NPAS3: variants seen among roughly 807,000 people sequenced by gnomAD.
The protein encoded by NPAS3 is neuronal PAS domain protein 3.
NPAS3 carries 14 observed loss-of-function variants against 73.1 expected under a neutral mutation model. The ratio of observed to expected loss-of-function variants is 0.19; its 90% CI spans 0.13 to 0.30. The LOEUF is 0.30. NPAS3 is among the 10% of genes least tolerant of loss of function. The pLI is 1.00. For missense variants in NPAS3, 1,096 were observed against 1,250.0 expected, an observed-to-expected ratio of 0.88 and a Z score of 1.86; for synonymous variants, 620 against 541.5, an observed-to-expected ratio of 1.14 and a Z score of -2.01.
At chr14:33,079,978 C>A (rs1217710677) in intron 2 of NPAS3, among the ~76,000 whole-genome samples, 1 of 151,854 alleles carries the variant, frequency 6.6e-6, no homozygotes. Context: ...TACTGTTGGG[C>A]AATAAAGGTT....
chr14:33,539,064 G>A (rs979437814), intron 4 of NPAS3, among the ~76,000 whole-genome samples: 2 of 152,234 alleles, frequency 1.3e-5, no homozygotes, highest in South Asian at 2.1e-4. Context: ...GAGGGAGGGG[G>A]AATCAATGAA....
chr14:33,331,354 T>C (rs909279075), intron 3 of NPAS3, among the ~76,000 whole-genome samples: 2 of 152,220 alleles, frequency 1.3e-5, no homozygotes, highest in African/African-American at 4.8e-5. Flanking sequence ...GAATTTTTTG[T>C]GTGGAAGATA....
intron 6 of NPAS3, among the ~76,000 whole-genome samples, chr14:33,695,126 C>T (rs559442858): frequency 2.0e-5 from 3 of 152,198 alleles, no homozygotes; most frequent in African/African-American, 7.2e-5. Context: ...CACAGAACCA[C>T]ATGACCCAAC....
At position 33,800,801 on chromosome 14, in the gene NPAS3, G is replaced by T; in HGVS notation, c.2494G>T (p.Ala832Ser). 7 of 1,593,116 alleles carry T rather than the reference G, an allele frequency of 4.4e-6. No homozygotes were observed. Among genetic ancestry groups the T allele is most frequent in the South Asian group, 1.1e-5 (1 of 87,652 alleles). ...CTACACCACGGGCACCATCCGCTAC[G>T]CGCCCGCCGAGGTGACCCTGGCCAT... Residue 832 changes from alanine (A) to serine (S), a missense_variant, in exon 12 of 12, where the codon GCG becomes TCG. Ala to Ser is a moderately conservative substitution (Grantham distance 99). Coordinates refer to ENST00000356141, the Ensembl canonical transcript of NPAS3. The surrounding 1 kb of genome is among the most constrained non-coding windows in gnomAD (Gnocchi z 6.5).
intron 4 of NPAS3, among the ~76,000 whole-genome samples, chr14:33,418,044 G>A (rs1039017345): frequency 9.0e-6 from 1 of 110,782 alleles, no homozygotes; most frequent in African/African-American, 4.5e-5. Flanking sequence ...CAAAAGCAAT[G>A]CAGGATTTTT....
At chr14:33,227,535 G>A (rs1279341961) in intron 3 of NPAS3, among the ~76,000 whole-genome samples, 3 of 152,148 alleles carry the variant, frequency 2.0e-5, no homozygotes, top group African/African-American at 7.2e-5. Flanking sequence ...GCATGGTGAG[G>A]TTCTTCGTGA....
In NPAS3 at chr14:33,299,592, G is replaced by GTTTCT. The variant is rs1216100757; in HGVS notation, c.386-67590_386-67586dup. Among the ~76,000 whole-genome samples, 4 of 46,534 alleles carry GTTTCT rather than the reference G, an allele frequency of 8.6e-5. No homozygotes were observed. In the South Asian group the frequency reaches 1.2e-3, roughly 14 times the overall value. The allele number at this position is 46,534 out of a possible 152,430, so 30.5% of individuals were successfully genotyped here. ...ACCCTATCTGAAATCCTAGAAGCTA[G>GTTTCT]TTTCTTTTTTTTGTGTGCTTAAGTC... On this transcript the variant is annotated intron_variant, in intron 3 of 11. Coordinates refer to ENST00000356141, the Ensembl canonical transcript of NPAS3.
intron 3 of NPAS3, among the ~76,000 whole-genome samples, chr14:33,278,985 T>C: frequency 2.0e-5 from 1 of 50,556 alleles, no homozygotes; most frequent in East Asian, 2.5e-4. Flanking sequence ...GAAATAACTA[T>C]GCTGTAAATA....
At chr14:33,276,853 T>C (rs1331916983) in intron 3 of NPAS3, among the ~76,000 whole-genome samples, 1 of 152,146 alleles carries the variant, frequency 6.6e-6, no homozygotes, top group South Asian at 2.1e-4. Context: ...TTGTTTCTTC[T>C]AAGGTAGAAT....
At chr14:33,645,565 T>C (rs1046621992) in intron 5 of NPAS3, among the ~76,000 whole-genome samples, 2 of 152,212 alleles carry the variant, frequency 1.3e-5, no homozygotes, top group South Asian at 2.1e-4. Flanking sequence ...AAAGCAGCTC[T>C]AGGAAAACGA....
intron 5 of NPAS3, among the ~76,000 whole-genome samples, chr14:33,649,152 C>T (rs1468277795): frequency 1.3e-5 from 2 of 152,182 alleles, no homozygotes; most frequent in African/African-American, 2.4e-5. Context: ...ATTCAAATGA[C>T]AATCCCAGTA....
chr14:33,439,841 C>T (rs887909172), intron 4 of NPAS3, among the ~76,000 whole-genome samples: 6 of 152,096 alleles, frequency 3.9e-5, no homozygotes, highest in Non-Finnish European at 7.4e-5. Context: ...TACGGCTGGG[C>T]GTGGTGGCTC....
chr14:33,440,166 T>G (rs2049181984), intron 4 of NPAS3, among the ~76,000 whole-genome samples: 1 of 151,866 alleles, frequency 6.6e-6, no homozygotes, highest in Non-Finnish European at 1.5e-5. Context: ...GGCTGATTGT[T>G]GAAGCCGGAT....
rs367677525 is a variant in NPAS3 at position 33,541,131 on chromosome 14, GCA to G, written c.469-18979_469-18978del. Among the ~76,000 whole-genome samples, 33 of 148,080 alleles carry G rather than the reference GCA, an allele frequency of 2.2e-4. 1 individual carries two copies. Among genetic ancestry groups the G allele is most frequent in the African/African-American group, 7.9e-4 (32 of 40,560 alleles). On this transcript the variant is annotated intron_variant, in intron 4 of 11. Coordinates refer to ENST00000356141, the Ensembl canonical transcript of NPAS3. ...TGTGTGTGTGTGTGTGTGTGTGCAT[GCA>G]CACACACACATTAGTAATAGGAACA... is the stretch of plus-strand genomic sequence containing the variant.
At chr14:33,403,403 A>C (rs2047529918) in intron 4 of NPAS3, among the ~76,000 whole-genome samples, 1 of 152,142 alleles carries the variant, frequency 6.6e-6, no homozygotes, top group African/African-American at 2.4e-5. Flanking sequence ...ACAATACATC[A>C]CTGATACAAC....
At chr14:33,429,171 G>T (rs894191520) in intron 4 of NPAS3, among the ~76,000 whole-genome samples, 8 of 152,138 alleles carry the variant, frequency 5.3e-5, no homozygotes, top group African/African-American at 1.9e-4. Context: ...TAAATAGGTA[G>T]ATGTTAAAAG....
intron 2 of NPAS3, among the ~76,000 whole-genome samples, chr14:33,212,062 A>G (rs539049855): frequency 1.3e-5 from 2 of 152,334 alleles, no homozygotes; most frequent in East Asian, 1.9e-4. Flanking sequence ...TACAAAGTTT[A>G]TTTTGGGTTT....
At chr14:33,631,224 T>G (rs1435365688) in intron 5 of NPAS3, among the ~76,000 whole-genome samples, 1 of 152,232 alleles carries the variant, frequency 6.6e-6, no homozygotes, top group Non-Finnish European at 1.5e-5. Flanking sequence ...AGCCAAGTCC[T>G]TGGTGTGATA....
chr14:32,978,920 T>G (rs1027103835), intron 1 of NPAS3, among the ~76,000 whole-genome samples: 13 of 152,292 alleles, frequency 8.5e-5, no homozygotes, highest in African/African-American at 3.1e-4. Context: ...TGTGATGTTT[T>G]TAGAGTCGAG....
Sources: allele counts gnomAD v4.1 joint callset (sites outside exome capture counted in the v4.1 genomes callset), GRCh38; gene constraint gnomAD v4.1.1; non-coding constraint Gnocchi (gnomAD v3.1); transcripts MANE v1.5; gene names NCBI Gene and HGNC (gene_info 2026-07-23, HGNC 2026-07-21).